The following DLGAP2 variants were observed in gnomAD, a reference collection of about 807,000 sequenced individuals.
The protein encoded by DLGAP2 is DLG associated protein 2, also known as disks large-associated protein 2.
Under a neutral mutation model 100.3 loss-of-function variants are expected in DLGAP2, and 26 were observed. The ratio of observed to expected loss-of-function variants is 0.26; its 90% CI spans 0.19 to 0.36. The LOEUF is 0.36. DLGAP2 is among the 10% of genes least tolerant of loss of function. The pLI, the probability that DLGAP2 is intolerant of heterozygous loss-of-function variation, is 1.00. For synonymous variants in DLGAP2, 886 were observed against 630.1 expected, an observed-to-expected ratio of 1.41 and a Z score of -6.08; for missense variants, 1,858 against 1,453.2, an observed-to-expected ratio of 1.28 and a Z score of -4.53.
intron 3 of DLGAP2, among the ~76,000 whole-genome samples, chr8:1,317,478 C>G (rs1356920588): frequency 7.0e-6 from 1 of 142,100 alleles, no homozygotes; most frequent in South Asian, 2.2e-4. Context: ...CAGCGTCTCT[C>G]CAACAGTGGT....
chr8:779,578 C>G (rs1254100210), intron 1 of DLGAP2, among the ~76,000 whole-genome samples: 2 of 151,890 alleles, frequency 1.3e-5, no homozygotes, highest in African/African-American at 2.4e-5. Context: ...ATCTTCCCAC[C>G]TCAGTCTCCC....
At chr8:1,511,271 A>T (rs1441753137) in intron 4 of DLGAP2, among the ~76,000 whole-genome samples, 1 of 151,644 alleles carries the variant, frequency 6.6e-6, no homozygotes, top group Non-Finnish European at 1.5e-5. Context: ...CTAGTGTAGG[A>T]CAATCAGTAG....
At chr8:1,389,394 A>T (rs1005295959) in intron 3 of DLGAP2, among the ~76,000 whole-genome samples, 2 of 152,066 alleles carry the variant, frequency 1.3e-5, no homozygotes, top group African/African-American at 2.4e-5. Flanking sequence ...AGGAGAGGTC[A>T]GAGAAAGTGG....
intron 2 of DLGAP2, among the ~76,000 whole-genome samples, chr8:1,032,176 C>T (rs139276037): frequency 1.8e-4 from 28 of 152,366 alleles, no homozygotes; most frequent in African/African-American, 5.5e-4. Context: ...GCGCATCCAT[C>T]GACGCTGGGA....
At chr8:1,201,402 T>G (rs1797870981) in intron 2 of DLGAP2, among the ~76,000 whole-genome samples, 1 of 151,974 alleles carries the variant, frequency 6.6e-6, no homozygotes, top group African/African-American at 2.4e-5. Flanking sequence ...CGGCCTTCTG[T>G]TCCCTGCAGG....
intron 1 of DLGAP2, among the ~76,000 whole-genome samples, chr8:892,480 A>C (rs1798055677): frequency 6.6e-6 from 1 of 152,184 alleles, no homozygotes; most frequent in Non-Finnish European, 1.5e-5. Flanking sequence ...CCACTCATAC[A>C]ATGCCCCTGG....
chr8:1,537,513 G>T (rs530196949), intron 4 of DLGAP2, among the ~76,000 whole-genome samples: 1 of 152,102 alleles, frequency 6.6e-6, no homozygotes, highest in Non-Finnish European at 1.5e-5. Flanking sequence ...ACCTCTCTCT[G>T]TCTGCAGGAA....
chr8:1,032,433 G>C (rs143876011), intron 2 of DLGAP2, among the ~76,000 whole-genome samples: 1 of 152,204 alleles, frequency 6.6e-6, no homozygotes, highest in African/African-American at 2.4e-5. Context: ...ATGGAGAAAC[G>C]TTTGGACACC....
At chr8:973,020 C>T (rs1447247371) in intron 2 of DLGAP2, among the ~76,000 whole-genome samples, 1 of 152,270 alleles carries the variant, frequency 6.6e-6, no homozygotes, top group African/African-American at 2.4e-5. Context: ...CTACTTCTTT[C>T]TACACAGACA....
At chr8:1,376,994 G>T in intron 3 of DLGAP2, among the ~76,000 whole-genome samples, 1 of 152,232 alleles carries the variant, frequency 6.6e-6, no homozygotes, top group Admixed American at 6.5e-5. Flanking sequence ...GTGCATCAGG[G>T]ACCACATGCT....
intron 2 of DLGAP2, among the ~76,000 whole-genome samples, chr8:1,195,023 G>T (rs903734522): frequency 1.3e-5 from 2 of 152,372 alleles, no homozygotes; most frequent in South Asian, 2.1e-4. Flanking sequence ...CTCCTGAGAA[G>T]CTTGGGCACA....
At chr8:807,915 G>T (rs1406540419) in intron 1 of DLGAP2, among the ~76,000 whole-genome samples, 3 of 152,238 alleles carry the variant, frequency 2.0e-5, no homozygotes, top group Non-Finnish European at 4.4e-5. Flanking sequence ...GAGAAGGTTG[G>T]CGGGGAGCTA....
intron 1 of DLGAP2, among the ~76,000 whole-genome samples, chr8:884,831 T>A (rs540290656): frequency 6.6e-6 from 1 of 152,208 alleles, no homozygotes; most frequent in South Asian, 2.1e-4. Flanking sequence ...AGGGGTCCAT[T>A]GTCCGTTTTC....
chr8:1,464,289 C>T (rs1055753251), intron 3 of DLGAP2, among the ~76,000 whole-genome samples: 2 of 91,982 alleles, frequency 2.2e-5, no homozygotes, highest in East Asian at 3.7e-4. Context: ...AGGACAACGC[C>T]CTTCCAGGAT....
chr8:1,324,493 A>G (rs1369901837), intron 3 of DLGAP2, among the ~76,000 whole-genome samples: 1 of 152,230 alleles, frequency 6.6e-6, no homozygotes, highest in African/African-American at 2.4e-5. Context: ...CAGGCAGAGC[A>G]GGCACCTTCT....
chr8:1,062,121 A>C (rs1176012778), intron 2 of DLGAP2, among the ~76,000 whole-genome samples: 1 of 151,856 alleles, frequency 6.6e-6, no homozygotes, highest in African/African-American at 2.4e-5. Flanking sequence ...ATGGTAATTA[A>C]AGTGTCCATC....
intron 2 of DLGAP2, among the ~76,000 whole-genome samples, chr8:1,178,348 G>A (rs571458855): frequency 1.2e-4 from 19 of 152,210 alleles, no homozygotes; most frequent in South Asian, 1.0e-3. Flanking sequence ...CCGGGGTTGC[G>A]GAGGGGCGGC....
At chr8:837,891 TTG>T (rs201921764) in intron 1 of DLGAP2, among the ~76,000 whole-genome samples, 26,677 of 135,196 alleles carry the variant, frequency 0.2, 2,139 homozygotes, top group Non-Finnish European at 0.26. Flanking sequence ...TAGTTGTTTT[TTG>T]TTTTTTTTTT....
chr8:833,099 C>G (rs1393701), intron 1 of DLGAP2, among the ~76,000 whole-genome samples: 2 of 152,094 alleles, frequency 1.3e-5, no homozygotes, highest in Non-Finnish European at 2.9e-5. Context: ...ACAGGGCTTA[C>G]CTGTCTTCAT....
Sources: gnomAD v4.1 joint callset for allele counts (sites outside exome capture counted in the v4.1 genomes callset) on GRCh38, gnomAD v4.1.1 for gene constraint, MANE v1.5 for transcripts, NCBI Gene and HGNC (gene_info 2026-07-23, HGNC 2026-07-21) for gene names.